KRABD5: variants seen among roughly 807,000 people sequenced by gnomAD.
KRABD5 encodes KRAB domain containing 5.
chr16:31,743,653 G>C, the KRABD5 span, among the ~76,000 whole-genome samples: 1 of 152,118 alleles, frequency 6.6e-6, no homozygotes, highest in Non-Finnish European at 1.5e-5. Flanking sequence ...TTCTAATTCT[G>C]TGAAGAATGT....
At chr16:31,716,987 GTCAGTCTTTGTT>G in the KRABD5 span, among the ~76,000 whole-genome samples, 181 of 140,034 alleles carry the variant, frequency 1.3e-3, no homozygotes, top group African/African-American at 4.4e-3. Context: ...TCTTTTGTCA[GTCAGTCTTTGTT>G]TTTTTTTTTT....
chr16:31,717,344 A>G, the KRABD5 span, among the ~76,000 whole-genome samples: 1 of 152,160 alleles, frequency 6.6e-6, no homozygotes, highest in African/African-American at 2.4e-5. Context: ...GGAATCATTG[A>G]TTTGAACTAT....
the KRABD5 span, chr16:31,713,630 C>G: frequency 9.7e-6 from 7 of 718,280 alleles, no homozygotes; most frequent in Middle Eastern, 4.1e-4. Context: ...CTCCCGACCC[C>G]GCAGAGCGAC....
chr16:31,713,990 G>C, the KRABD5 span, among the ~76,000 whole-genome samples: 1 of 152,210 alleles, frequency 6.6e-6, no homozygotes, highest in African/African-American at 2.4e-5. Context: ...CTTCCACTTT[G>C]GCTGTAGAAA....
the KRABD5 span, among the ~76,000 whole-genome samples, chr16:31,721,345 ATCT>A: frequency 4.6e-5 from 7 of 152,134 alleles, no homozygotes; most frequent in East Asian, 1.9e-4. Context: ...TCCTGTTTTC[ATCT>A]TCTTCTCAGT....
At chr16:31,719,497 G>A in the KRABD5 span, among the ~76,000 whole-genome samples, 1 of 152,164 alleles carries the variant, frequency 6.6e-6, no homozygotes, top group Non-Finnish European at 1.5e-5. Context: ...AGTTCTTGTG[G>A]CCAGGCTTAG....
the KRABD5 span, chr16:31,755,671 C>T: frequency 1.7e-4 from 79 of 468,846 alleles, no homozygotes; most frequent in African/African-American, 1.3e-3. Flanking sequence ...TTAATCGATG[C>T]TCAACCCTTA....
At chr16:31,739,801 T>C in the KRABD5 span, among the ~76,000 whole-genome samples, 1 of 152,166 alleles carries the variant, frequency 6.6e-6, no homozygotes, top group African/African-American at 2.4e-5. Flanking sequence ...ACGCCCATGC[T>C]GAAGGTTGTG....
At chr16:31,719,051 T>C in the KRABD5 span, among the ~76,000 whole-genome samples, 5 of 152,246 alleles carry the variant, frequency 3.3e-5, no homozygotes, top group Non-Finnish European at 5.9e-5. Flanking sequence ...CTCATACTGA[T>C]AGGTAAACCA....
the KRABD5 span, chr16:31,754,699 A>G: frequency 2.2e-6 from 1 of 458,440 alleles, no homozygotes; most frequent in Non-Finnish European, 4.4e-6. Context: ...TCCATATTGG[A>G]GAAAAGTCAC....
chr16:31,756,878 C>T, the KRABD5 span: 1 of 152,100 alleles, frequency 6.6e-6, no homozygotes, highest in Non-Finnish European at 1.5e-5. Flanking sequence ...GTGTGTGTAC[C>T]TGTCTTCAAA....
chr16:31,742,791 G>A, the KRABD5 span, among the ~76,000 whole-genome samples: 35 of 152,138 alleles, frequency 2.3e-4, 1 homozygote, highest in Admixed American at 2.0e-3. Flanking sequence ...TTGTAAAAAC[G>A]TTTCCATTTC....
At chr16:31,724,704 G>GAA in the KRABD5 span, among the ~76,000 whole-genome samples, 4,558 of 144,232 alleles carry the variant, frequency 0.032, 236 homozygotes, top group African/African-American at 0.1. Flanking sequence ...AAAAAAAAAA[G>GAA]AAAAAAAAAA....
the KRABD5 span, among the ~76,000 whole-genome samples, chr16:31,727,093 A>G: frequency 5.3e-5 from 8 of 152,194 alleles, no homozygotes; most frequent in Non-Finnish European, 1.2e-4. Flanking sequence ...ATTAATTGTT[A>G]GTATATAGAA....
the KRABD5 span, among the ~76,000 whole-genome samples, chr16:31,735,530 G>GTA: frequency 6.6e-6 from 1 of 152,146 alleles, no homozygotes. Flanking sequence ...CCCATCAACA[G>GTA]TATATATGTG....
chr16:31,721,447 G>T, the KRABD5 span, among the ~76,000 whole-genome samples: 1 of 150,738 alleles, frequency 6.6e-6, no homozygotes, highest in Non-Finnish European at 1.5e-5. Flanking sequence ...TTAGATACTG[G>T]GGTAAAATAA....
chr16:31,725,290 G>A, the KRABD5 span, among the ~76,000 whole-genome samples: 2 of 151,910 alleles, frequency 1.3e-5, no homozygotes, highest in East Asian at 1.9e-4. Flanking sequence ...TAATTTTTTC[G>A]TATTTTTAGT....
the KRABD5 span, among the ~76,000 whole-genome samples, chr16:31,731,101 T>C: frequency 2.0e-5 from 3 of 152,198 alleles, no homozygotes; most frequent in Non-Finnish European, 4.4e-5. Flanking sequence ...TTTGCCTGAT[T>C]CTTTATAATC....
chr16:31,723,380 A>T, the KRABD5 span: 1 of 1,599,710 alleles, frequency 6.3e-7, no homozygotes, highest in South Asian at 1.1e-5. Context: ...GAAGTAGATG[A>T]CATGGGCGAG....
Sources: allele counts gnomAD v4.1 joint callset (sites outside exome capture counted in the v4.1 genomes callset), GRCh38; gene constraint gnomAD v4.1.1; transcripts MANE v1.5; gene names NCBI Gene and HGNC (gene_info 2026-07-23, HGNC 2026-07-21).